Variants in ANKS3 observed in about 807,000 individuals in gnomAD.
ANKS3 encodes ankyrin repeat and SAM domain-containing protein 3.
A neutral mutation model predicts 80.7 loss-of-function variants in ANKS3; 62 were observed. The observed-to-expected ratio is 0.77, with a 90% CI of 0.63 to 0.95. The LOEUF (loss-of-function observed/expected upper bound fraction) is 0.95, where lower values mean the gene tolerates loss of function less well. Among genes scored for constraint, ANKS3 ranks in the 40% least tolerant of loss-of-function variants. The pLI is 0.00. For synonymous variants in ANKS3, 489 were observed against 355.3 expected, an observed-to-expected ratio of 1.38 and a Z score of -4.23; for missense variants, 1,150 against 883.6, an observed-to-expected ratio of 1.30 and a Z score of -3.82.
intron 7 of ANKS3, among the ~76,000 whole-genome samples, chr16:4,709,888 G>A (rs574655833): frequency 3.9e-5 from 6 of 152,250 alleles, no homozygotes; most frequent in Admixed American, 2.0e-4. Context: ...GTAGGTGCCT[G>A]TAGTGCCAGC....
chr16:4,714,990 C>CAAAAAAAA (rs753327026), intron 6 of ANKS3, among the ~76,000 whole-genome samples: 6 of 36,622 alleles, frequency 1.6e-4, no homozygotes, highest in African/African-American at 9.0e-4. Flanking sequence ...GACTCTGTCT[C>CAAAAAAAA]AAAAAAAAAA....
At chr16:4,713,148 G>C in intron 7 of ANKS3, among the ~76,000 whole-genome samples, 1 of 152,130 alleles carries the variant, frequency 6.6e-6, no homozygotes, top group South Asian at 2.1e-4. Flanking sequence ...GTGCACGCCT[G>C]TAATCCCAGC....
At chr16:4,701,323 C>CA in intron 10 of ANKS3, 111 bp downstream of exon 10, 1 of 1,297,508 alleles carries the variant, frequency 7.7e-7, no homozygotes. Context: ...GTGCAGCACA[C>CA]ACGTGCAGCA....
chr16:4,703,926 C>A (rs540855641), intron 8 of ANKS3, among the ~76,000 whole-genome samples: 2 of 152,332 alleles, frequency 1.3e-5, no homozygotes, highest in African/African-American at 2.4e-5. Flanking sequence ...AGATTAATTA[C>A]CAACTCAGCC....
At chr16:4,730,686 G>C (rs896818514) in intron 2 of ANKS3, among the ~76,000 whole-genome samples, 1 of 152,050 alleles carries the variant, frequency 6.6e-6, no homozygotes, top group Non-Finnish European at 1.5e-5. Flanking sequence ...GGCCAACATG[G>C]TGAAATCCTG....
At position 4,699,067 on chromosome 16, in the gene ANKS3, T is replaced by A; in HGVS notation, c.1394A>T (p.Lys465Met). The change falls in exon 12 of 18, where the codon AAG becomes ATG. Residue 465 changes from lysine (K) to methionine (M), a missense_variant. Lys to Met is a moderately conservative substitution (Grantham distance 95, BLOSUM62 -1). Transcript: ENST00000304283. ...CTGGACGCACGTGATGCCAATTTCC[T>A]TCAGGTCGCTCTCAGTGAGGGTCAG... ...IFLTLTESDL[K>M]EIGITLFGPK... 1 of 1,614,154 alleles carries A rather than the reference T, an allele frequency of 6.2e-7. No homozygotes were observed. The highest frequency in any genetic ancestry group is 8.5e-7 in the Non-Finnish European group (1 of 1,180,036).
intron 8 of ANKS3, among the ~76,000 whole-genome samples, chr16:4,703,432 T>C (rs947257493): frequency 1.3e-5 from 2 of 151,472 alleles, no homozygotes; most frequent in African/African-American, 4.9e-5. Flanking sequence ...TTTTTTTTTT[T>C]TTTTTTTGAG....
intron 7 of ANKS3, among the ~76,000 whole-genome samples, chr16:4,706,920 G>A (rs865972777): frequency 2.6e-5 from 4 of 152,196 alleles, no homozygotes; most frequent in African/African-American, 9.7e-5. Flanking sequence ...CTCAGGGCAG[G>A]CCAGCAAAGA....
intron 3 of ANKS3, 44 bp downstream of exon 3, chr16:4,729,936 T>C: frequency 7.0e-7 from 1 of 1,438,344 alleles, no homozygotes; most frequent in African/African-American, 1.4e-5. Flanking sequence ...AAGCCATCAC[T>C]GCGCTGCTCA....
rs1246131841 is a variant in ANKS3 at position 4,734,046 on chromosome 16, C to G, written c.-179G>C. On this transcript the variant is annotated 5_prime_UTR_variant, in exon 1 of 18. Coordinates refer to ENST00000304283, the MANE Select transcript of ANKS3 (RefSeq NM_133450.4). ...ACCACATAAAGAAAATGTGGGGGCT[C>G]GGTCCTCCAGTCACGCGGCGAGCAA... The G allele has an allele frequency of 1.0e-6, 1 of 982,710 alleles. No individual in the cohort carries two copies. Among genetic ancestry groups the G allele is most frequent in the Non-Finnish European group, 1.2e-6 (1 of 827,492 alleles). 60.9% of individuals were successfully genotyped at this position (982,710 alleles called of 1,614,324 possible).
chr16:4,723,226 T>A (rs920609041), intron 6 of ANKS3, among the ~76,000 whole-genome samples: 1 of 152,342 alleles, frequency 6.6e-6, no homozygotes, highest in African/African-American at 2.4e-5. Context: ...GCTTCTCGTA[T>A]ATTCACAGTT....
At chr16:4,697,273 T>A in intron 16 of ANKS3, 60 bp downstream of exon 16, 1 of 1,547,960 alleles carries the variant, frequency 6.5e-7, no homozygotes, top group Non-Finnish European at 8.8e-7. Flanking sequence ...TGGAAAGGGG[T>A]CCCTTTGCCT....
At position 4,699,094 on chromosome 16, in the gene ANKS3, A is replaced by G; in HGVS notation, c.1367T>C (p.Phe456Ser). 1 of 1,614,136 alleles carries G rather than the reference A, an allele frequency of 6.2e-7. No homozygotes were observed. The highest frequency in any genetic ancestry group is 8.5e-7 in the Non-Finnish European group (1 of 1,180,030). Residue 456 changes from phenylalanine (F) to serine (S), a missense_variant, in exon 12 of 18, where the codon TTT becomes TCT. By Grantham distance (155) the Phe-to-Ser change is radical. Coordinates refer to ENST00000304283, the MANE Select transcript of ANKS3 (RefSeq NM_133450.4). Reference sequence around the variant, plus strand: ...CAGGTCGCTCTCAGTGAGGGTCAGAAAGATGCGGAGGTCCACGTCCTGCTC... The same window carrying G: ...CAGGTCGCTCTCAGTGAGGGTCAGAGAGATGCGGAGGTCCACGTCCTGCTC... ...FEEQDVDLRI[F>S]LTLTESDLKE...
chr16:4,729,440 AACCTCCACCT>A (rs1220273057), intron 3 of ANKS3: 1 of 152,204 alleles, frequency 6.6e-6, no homozygotes, highest in Non-Finnish European at 1.5e-5. Context: ...AGCTCACTGT[AACCTCCACCT>A]CCCGGGTTCA....
intron 11 of ANKS3, 65 bp from the exon 12 acceptor site, chr16:4,699,241 C>A (rs2079767464): frequency 6.4e-7 from 1 of 1,566,118 alleles, no homozygotes; most frequent in Non-Finnish European, 8.6e-7. Flanking sequence ...ACGTTTTCCT[C>A]CACTCGGAGC....
At chr16:4,733,436 T>G (rs530279308) in intron 1 of ANKS3, among the ~76,000 whole-genome samples, 1 of 151,900 alleles carries the variant, frequency 6.6e-6, no homozygotes, top group East Asian at 1.9e-4. Context: ...AGATTACAGG[T>G]ATGAGCCACC....
intron 1 of ANKS3, among the ~76,000 whole-genome samples, chr16:4,733,564 T>C (rs1248169241): frequency 6.6e-6 from 1 of 152,106 alleles, no homozygotes; most frequent in South Asian, 2.1e-4. Flanking sequence ...AGTGCTAGGA[T>C]TACAGGCGTG....
intron 3 of ANKS3, chr16:4,727,634 C>A (rs146294318): frequency 2.0e-4 from 41 of 209,846 alleles, no homozygotes; most frequent in African/African-American, 8.7e-4. Flanking sequence ...TTGAAAAACC[C>A]TGACCACCAC....
chr16:4,731,048 G>C (rs1252544038), intron 2 of ANKS3, among the ~76,000 whole-genome samples: 2 of 152,126 alleles, frequency 1.3e-5, no homozygotes, highest in African/African-American at 4.8e-5. Flanking sequence ...TCCAACAGTT[G>C]ACATGCAACA....
Sources: gnomAD v4.1 joint callset for allele counts (sites outside exome capture counted in the v4.1 genomes callset) on GRCh38, gnomAD v4.1.1 for gene constraint, MANE v1.5 for transcripts, NCBI Gene and HGNC (gene_info 2026-07-23, HGNC 2026-07-21) for gene names.